The following GRIK2 variants were observed in gnomAD, a reference collection of about 807,000 sequenced individuals.
GRIK2 encodes the protein glutamate ionotropic receptor kainate type subunit 2.
In GRIK2, 32 loss-of-function variants were observed where a neutral mutation model predicts 100.3. The ratio of observed to expected loss-of-function variants is 0.32; its 90% CI spans 0.24 to 0.43. The LOEUF (loss-of-function observed/expected upper bound fraction) is 0.43, where lower values mean the gene tolerates loss of function less well. GRIK2 is among the 20% of genes least tolerant of loss of function. GRIK2 has a pLI of 1.00. For missense variants in GRIK2, 843 were observed against 1,114.9 expected, an observed-to-expected ratio of 0.76 and a Z score of 3.47; for synonymous variants, 417 against 389.4, an observed-to-expected ratio of 1.07 and a Z score of -0.83.
intron 2 of GRIK2, among the ~76,000 whole-genome samples, chr6:101,570,664 C>A (rs1216331564): frequency 6.6e-6 from 1 of 152,108 alleles, no homozygotes; most frequent in Non-Finnish European, 1.5e-5. Flanking sequence ...GTTACTCTTC[C>A]TTGCTGGACA....
chr6:101,876,779 C>T (rs960375492), intron 11 of GRIK2, among the ~76,000 whole-genome samples: 2 of 151,898 alleles, frequency 1.3e-5, no homozygotes, highest in Admixed American at 6.6e-5. Flanking sequence ...TCCTTCTGTT[C>T]TCAAATCAAT....
At chr6:101,882,216 G>A (rs1786300496) in intron 11 of GRIK2, among the ~76,000 whole-genome samples, 1 of 152,166 alleles carries the variant, frequency 6.6e-6, no homozygotes, top group Admixed American at 6.6e-5. Flanking sequence ...AGAGATTTGG[G>A]TGGGGACACA....
At position 101,877,211 on chromosome 6, in the gene GRIK2, A is replaced by G. The variant is rs558675801; in HGVS notation, c.1525-12429A>G. ...ATATATATGTAGAGTATATATGCAT[A>G]TAGATGTTTATGAATACATACAGTT... On this transcript the variant is annotated intron_variant, in intron 11 of 16. Transcript: ENST00000369134. 2.0e-5 allele frequency among the ~76,000 whole-genome samples: 3 copies of G among 151,998 alleles called. No homozygotes were observed. The South Asian group carries it at 6.2e-4, about 31-fold the overall frequency.
rs370976231 is a variant in GRIK2 at position 101,659,017 on chromosome 6, C to T, written c.542-17606C>T. Among the ~76,000 whole-genome samples the T allele has an allele frequency of 4.6e-5, 7 of 152,268 alleles. No homozygotes were observed. The East Asian group carries it at 7.7e-4, about 17-fold the overall frequency. On this transcript the variant is annotated intron_variant, in intron 4 of 16. Transcript: ENST00000369134. ...TATAGTTTCTGTTTCTGGGCAGAAG[C>T]TGTTTAGTTTAATTAGATCCCATTT...
intron 9 of GRIK2, among the ~76,000 whole-genome samples, chr6:101,804,881 A>T (rs1780891719): frequency 6.6e-6 from 1 of 151,948 alleles, no homozygotes; most frequent in African/African-American, 2.4e-5. Context: ...GACAGACTTG[A>T]TTTTGACTTA....
intron 2 of GRIK2, among the ~76,000 whole-genome samples, chr6:101,591,428 T>A (rs1359917630): frequency 6.6e-6 from 1 of 152,022 alleles, no homozygotes; most frequent in South Asian, 2.1e-4. Context: ...GAGCCATCTC[T>A]AATCAACTTA....
At chr6:101,437,815 T>A (rs1231510939) in intron 2 of GRIK2, among the ~76,000 whole-genome samples, 2 of 152,030 alleles carry the variant, frequency 1.3e-5, no homozygotes, top group Non-Finnish European at 2.9e-5. Context: ...GACACACAAA[T>A]CATTCTAATA....
intron 14 of GRIK2, among the ~76,000 whole-genome samples, chr6:101,931,144 T>G (rs1432480269): frequency 6.6e-6 from 1 of 152,156 alleles, no homozygotes; most frequent in Non-Finnish European, 1.5e-5. Context: ...CAATTTCATG[T>G]TTTCACTTTT....
intron 14 of GRIK2, among the ~76,000 whole-genome samples, chr6:102,007,316 G>A (rs1279249312): frequency 6.6e-6 from 1 of 152,112 alleles, no homozygotes. Flanking sequence ...AAAATTCATA[G>A]TGTGAGTTTG....
intron 4 of GRIK2, among the ~76,000 whole-genome samples, chr6:101,668,128 C>T (rs1459675293): frequency 6.6e-6 from 1 of 152,072 alleles, no homozygotes; most frequent in East Asian, 1.9e-4. Context: ...GGAGACTAGC[C>T]CTCCAATTCT....
At chr6:102,034,723 A>C (rs1429130730) in intron 14 of GRIK2, among the ~76,000 whole-genome samples, 1 of 151,418 alleles carries the variant, frequency 6.6e-6, no homozygotes, top group Non-Finnish European at 1.5e-5. Context: ...TCTGAAGTCC[A>C]GCTTAAAGAA....
intron 14 of GRIK2, among the ~76,000 whole-genome samples, chr6:101,986,449 T>C (rs1794020150): frequency 6.6e-6 from 1 of 151,928 alleles, no homozygotes; most frequent in African/African-American, 2.4e-5. Flanking sequence ...TACTCAGTTT[T>C]CATATTTTCT....
intron 2 of GRIK2, among the ~76,000 whole-genome samples, chr6:101,501,790 C>G (rs936630812): frequency 6.6e-6 from 1 of 152,110 alleles, no homozygotes; most frequent in Non-Finnish European, 1.5e-5. Context: ...CAGGGTCTCA[C>G]TTTATCACTT....
chr6:101,841,584 G>A (rs1479645641), intron 10 of GRIK2, among the ~76,000 whole-genome samples: 8 of 152,008 alleles, frequency 5.3e-5, no homozygotes, highest in Non-Finnish European at 1.0e-4. Context: ...GGCTGGTCTC[G>A]AACTCCTGAC....
intron 3 of GRIK2, among the ~76,000 whole-genome samples, chr6:101,623,544 G>A (rs1472261385): frequency 2.0e-5 from 3 of 152,062 alleles, no homozygotes; most frequent in African/African-American, 7.2e-5. Flanking sequence ...TGGAGTATGA[G>A]TGCAGTATAG....
At chr6:101,443,552 C>A (rs1233064406) in intron 2 of GRIK2, among the ~76,000 whole-genome samples, 2 of 151,906 alleles carry the variant, frequency 1.3e-5, no homozygotes, top group Admixed American at 6.6e-5. Context: ...TCTTTTGAGA[C>A]AACAATAAAG....
At chr6:101,690,778 G>A (rs985044160) in intron 7 of GRIK2, among the ~76,000 whole-genome samples, 1 of 151,968 alleles carries the variant, frequency 6.6e-6, no homozygotes, top group African/African-American at 2.4e-5. Flanking sequence ...TTCCAGCATA[G>A]GATACTTCAT....
intron 11 of GRIK2, among the ~76,000 whole-genome samples, chr6:101,868,567 TA>T (rs1326873801): frequency 6.6e-6 from 1 of 151,198 alleles, no homozygotes; most frequent in Non-Finnish European, 1.5e-5. Context: ...AAAACAGATA[TA>T]AAAAAGTGGC....
intron 2 of GRIK2, among the ~76,000 whole-genome samples, chr6:101,586,070 T>A (rs957983015): frequency 1.3e-5 from 2 of 152,024 alleles, no homozygotes; most frequent in African/African-American, 2.4e-5. Context: ...GGTTTTAGGG[T>A]TGAGGTTTGG....
Sources: allele counts gnomAD v4.1 joint callset (sites outside exome capture counted in the v4.1 genomes callset), GRCh38; gene constraint gnomAD v4.1.1; transcripts MANE v1.5; gene names NCBI Gene and HGNC (gene_info 2026-07-23, HGNC 2026-07-21).